The following CTSK variants were observed in gnomAD, a reference collection of about 807,000 sequenced individuals.
CTSK encodes cathepsin K, also known as cathepsin O.
A neutral mutation model predicts 40.5 loss-of-function variants in CTSK; 26 were observed. That is an observed-to-expected ratio of 0.64 (90% CI 0.47 to 0.89). The LOEUF is 0.89. Among genes scored for constraint, CTSK ranks in the 40% least tolerant of loss-of-function variants. The pLI is 0.00. For synonymous variants in CTSK, 132 were observed against 143.2 expected, an observed-to-expected ratio of 0.92 and a Z score of 0.56; for missense variants, 292 against 400.1, an observed-to-expected ratio of 0.73 and a Z score of 2.30.
At chr1:150,799,900 T>C (rs902321616) in intron 5 of CTSK, among the ~76,000 whole-genome samples, 191 bp from the exon 6 acceptor site, 1 of 151,876 alleles carries the variant, frequency 6.6e-6, no homozygotes, top group Non-Finnish European at 1.5e-5. Flanking sequence ...CCACCACACA[T>C]AAAAACCAAC....
chr1:150,797,758 C>T (rs1653904115), intron 7 of CTSK, among the ~76,000 whole-genome samples: 1 of 152,198 alleles, frequency 6.6e-6, no homozygotes, highest in Admixed American at 6.5e-5. Flanking sequence ...CCTGATCCTG[C>T]CCGGGTGTGT....
intron 5 of CTSK, among the ~76,000 whole-genome samples, chr1:150,802,044 G>A (rs1338895025): frequency 6.6e-6 from 1 of 151,620 alleles, no homozygotes; most frequent in Non-Finnish European, 1.5e-5. Context: ...TTGGGAGGCC[G>A]AGGCGGGCGG....
rs201714478 is a variant in CTSK at position 150,799,541 on chromosome 1, T to C, written c.784+3A>G. 5 of 1,614,082 alleles carry C rather than the reference T, an allele frequency of 3.1e-6. No individual in the cohort carries two copies. The highest frequency in any genetic ancestry group is 3.4e-6 in the Non-Finnish European group (4 of 1,180,030). ...GTGCTGTATAGGATCAGCAGCTTCT[T>C]ACCTTTGCTGTAAAACTGGAAGGAG... is the stretch of plus-strand genomic sequence containing the variant. On this transcript the variant is annotated splice_donor_region_variant and intron_variant, in intron 6 of 7. Transcript: ENST00000271651.
At chr1:150,806,293 T>C in intron 2 of CTSK, 69 bp from the exon 3 acceptor site, 1 of 1,564,088 alleles carries the variant, frequency 6.4e-7, no homozygotes, top group Non-Finnish European at 8.8e-7. Flanking sequence ...TGAAGGGTTT[T>C]AGGAGAATAA....
chr1:150,802,497 C>A (rs766432545), intron 5 of CTSK, among the ~76,000 whole-genome samples: 1 of 152,108 alleles, frequency 6.6e-6, no homozygotes, highest in Non-Finnish European at 1.5e-5. Flanking sequence ...CAGCTCACAG[C>A]AGCCTTGAAC....
At chr1:150,801,818 C>T (rs1043128505) in intron 5 of CTSK, among the ~76,000 whole-genome samples, 2 of 151,680 alleles carry the variant, frequency 1.3e-5, no homozygotes, top group African/African-American at 4.8e-5. Context: ...GGATTACAAG[C>T]GTGAGCCACC....
rs2101953599 is a variant in CTSK at position 150,806,199 on chromosome 1, A to C, written c.146T>G (p.Ile49Ser). The C allele has an allele frequency of 6.2e-7, 1 of 1,614,166 alleles. No individual in the cohort carries two copies. Residue 49 changes from isoleucine (I) to serine (S), a missense_variant, in exon 3 of 8, where the codon ATT becomes AGT. Transcript: ENST00000271651. ...NKVDEISRRL[I>S]WEKNLKYISI... The stretch of plus-strand genomic sequence containing the variant: ...AATATACTTCAGGTTTTTTTCCCAA[A>C]TTAAACGCCGAGAGATTTCATCCAC...
At chr1:150,802,681 G>A (rs1031603260) in intron 5 of CTSK, among the ~76,000 whole-genome samples, 6 of 152,074 alleles carry the variant, frequency 3.9e-5, no homozygotes, top group African/African-American at 1.4e-4. Context: ...GCCTCCCAAA[G>A]TGCTGGGATT....
At chr1:150,803,792 C>T (rs187297014) in intron 5 of CTSK, among the ~76,000 whole-genome samples, 14 of 152,270 alleles carry the variant, frequency 9.2e-5, no homozygotes, top group African/African-American at 3.4e-4. Context: ...GTAGCCTAGC[C>T]TCTGTTTTCT....
At chr1:150,799,791 G>T in intron 5 of CTSK, 82 bp from the exon 6 acceptor site, 1 of 1,312,296 alleles carries the variant, frequency 7.6e-7, no homozygotes, top group Non-Finnish European at 1.1e-6. Flanking sequence ...CCAATATTTT[G>T]AGTGATGCCA....
At position 150,806,732 on chromosome 1, in the gene CTSK, T is replaced by C; in HGVS notation, c.74A>G (p.His25Arg). 6.2e-7 allele frequency: 1 copy of C among 1,614,098 alleles called. No individual in the cohort carries two copies. Among genetic ancestry groups the C allele is most frequent in the East Asian group, 2.2e-5 (1 of 44,880 alleles). ...GTGGGTCTTCTTCCATAGCTCCCAGTGGGTGTCCAGTATCTCCTCAGGGTA... is the reference window on the plus strand; with the variant it reads ...GTGGGTCTTCTTCCATAGCTCCCAGCGGGTGTCCAGTATCTCCTCAGGGTA... Reference protein sequence around the residue: ...ALYPEEILDTHWELWKKTHRK... With the variant: ...ALYPEEILDTRWELWKKTHRK... Residue 25 changes from histidine (H) to arginine (R), a missense_variant, in exon 2 of 8, where the codon CAC becomes CGC. His to Arg is a conservative substitution (Grantham distance 29). Transcript: ENST00000271651.
intron 5 of CTSK, among the ~76,000 whole-genome samples, chr1:150,801,969 A>G (rs373162809): frequency 9.2e-5 from 14 of 152,168 alleles, no homozygotes; most frequent in African/African-American, 3.4e-4. Context: ...GAAAGAGAAA[A>G]AACAATCCAA....
intron 1 of CTSK, among the ~76,000 whole-genome samples, chr1:150,807,080 T>TCTCA (rs1491280032): frequency 6.2e-4 from 43 of 69,668 alleles, no homozygotes; most frequent in African/African-American, 1.5e-3. Flanking sequence ...TCTCTCTCTC[T>TCTCA]CACACACACA....
chr1:150,797,800 T>G (rs1653905042), intron 7 of CTSK, among the ~76,000 whole-genome samples: 1 of 152,122 alleles, frequency 6.6e-6, no homozygotes, highest in Non-Finnish European at 1.5e-5. Context: ...TTGGAAGCTA[T>G]CTCCACACAT....
chr1:150,796,898 G>A lies in CTSK; in HGVS notation c.891C>T (p.Ser297=), dbSNP rs1347781216. 1.1e-5 allele frequency: 18 copies of A among 1,602,446 alleles called. No individual in the cohort carries two copies. Among genetic ancestry groups the A allele is most frequent in the Non-Finnish European group, 1.5e-5 (17 of 1,169,462 alleles). Residue 297 remains serine, a splice_region_variant and synonymous_variant, in exon 8 of 8, where the codon AGC becomes AGT. Transcript: ENST00000271651. The stretch of plus-strand genomic sequence containing the variant: ...CTTTGTTTCCCCAGTTTTCTCCCCA[G>A]CTGTAAGACCAATCAAGAAAAATAC... ...KGNKHWIIKN[S]WGENWGNKGY...
chr1:150,800,705 A>C (rs892090133), intron 5 of CTSK: 6 of 180,400 alleles, frequency 3.3e-5, no homozygotes, highest in Non-Finnish European at 7.2e-5. Context: ...CAGCAGGCTG[A>C]GGCAGGAGGA....
intron 7 of CTSK, among the ~76,000 whole-genome samples, chr1:150,797,515 G>C (rs1434031008): frequency 1.3e-5 from 2 of 152,294 alleles, no homozygotes; most frequent in East Asian, 3.9e-4. Flanking sequence ...AACCCCATAG[G>C]AGAGATGGAT....
Position 150,806,798 on chromosome 1 carries a change from C to T in CTSK, c.8G>A (p.Gly3Glu), listed in dbSNP as rs202055627. Reference sequence around the variant, plus strand: ...CACAGGTAGCAGCAGAACCTTGAGCCCCCACATCCTGCAGAAGAATGTAGT... The same window carrying T: ...CACAGGTAGCAGCAGAACCTTGAGCTCCCACATCCTGCAGAAGAATGTAGT... MW[G>E]LKVLLLPVVS... Residue 3 changes from glycine to glutamate, a missense_variant, in exon 2 of 8, where the codon GGG (glycine) becomes GAG (glutamate). Gly to Glu is a moderately conservative substitution (Grantham distance 98, BLOSUM62 -2). Coordinates refer to ENST00000271651, the MANE Select transcript of CTSK (RefSeq NM_000396.4). The T allele has an allele frequency of 1.7e-4, 269 of 1,613,860 alleles. 2 individuals carry two copies. In the South Asian group the frequency reaches 2.4e-3, roughly 15 times the overall value.
Position 150,806,691 on chromosome 1 carries a change from T to A in CTSK, c.115A>T (p.Asn39Tyr), listed in dbSNP as rs771768736. Residue 39 changes from asparagine (N) to tyrosine (Y), a missense_variant, in exon 2 of 8, where the codon AAC becomes TAC. Transcript: ENST00000271651. Reference protein sequence around the residue: ...WKKTHRKQYNNKVDEISRRLI... With the variant: ...WKKTHRKQYNYKVDEISRRLI... ...CCCTCCAGGACCCCAGGCACCTTGTTGTTATATTGCTTCCTGTGGGTCTTC... is the reference window on the plus strand; with the variant it reads ...CCCTCCAGGACCCCAGGCACCTTGTAGTTATATTGCTTCCTGTGGGTCTTC... 3.1e-6 allele frequency: 5 copies of A among 1,613,870 alleles called. No homozygotes were observed. Among genetic ancestry groups the A allele is most frequent in the Non-Finnish European group, 4.2e-6 (5 of 1,180,006 alleles).
Sources: gnomAD v4.1 joint callset for allele counts (sites outside exome capture counted in the v4.1 genomes callset) on GRCh38, gnomAD v4.1.1 for gene constraint, MANE v1.5 for transcripts, NCBI Gene and HGNC (gene_info 2026-07-23, HGNC 2026-07-21) for gene names.